RNF212B: variants seen among roughly 807,000 people sequenced by gnomAD.
RNF212B encodes E3 ubiquitin-protein ligase RNF212B.
RNF212B carries 52 observed loss-of-function variants against 55.5 expected under a neutral mutation model. The ratio of observed to expected loss-of-function variants is 0.94; its 90% CI spans 0.75 to 1.18. The LOEUF is 1.18. Among genes scored for constraint, RNF212B ranks in the 50% most tolerant of loss-of-function variants. The pLI, the probability that RNF212B is intolerant of heterozygous loss-of-function variation, is 0.00. For missense variants in RNF212B, 289 were observed against 350.4 expected (o/e 0.82, Z 1.40); for synonymous variants, 99 against 121.4 (o/e 0.82, Z 1.21).
At chr14:23,185,609 GATATGGTAAGCTT>G (rs138381712) in intron 1 of RNF212B, 106,310 of 152,022 alleles carry the variant, frequency 0.7, 39,636 homozygotes, top group Non-Finnish European at 0.82. Flanking sequence ...AACTGATAAC[GATATGGTAAGCTT>G]TAGCCCTCTC....
Position 23,257,345 on chromosome 14 carries a change from A to G in RNF212B, c.229-1204A>G, listed in dbSNP as rs146631696. On this transcript the variant is annotated intron_variant, in intron 4 of 14. Transcript: ENST00000430154. Reference sequence around the variant, plus strand: ...CTTAAAGTAAACATTTTCTTTTCACAGCTTAAAATAAACATTTTAGTTTTA... The same window carrying G: ...CTTAAAGTAAACATTTTCTTTTCACGGCTTAAAATAAACATTTTAGTTTTA... Among the ~76,000 whole-genome samples the G allele has an allele frequency of 3.3e-3, 505 of 151,254 alleles. 2 individuals carry two copies. The highest frequency in any genetic ancestry group is 0.012 in the African/African-American group (477 of 40,944).
rs1466920941 is a variant in RNF212B at position 23,232,773 on chromosome 14, T to C, written c.-1-7572T>C. Among the ~76,000 whole-genome samples, 896 of 119,690 alleles carry C rather than the reference T, an allele frequency of 7.5e-3. 14 individuals carry two copies. Among genetic ancestry groups the C allele is most frequent in the African/African-American group, 0.027 (835 of 31,048 alleles). The allele number at this position is 119,690 out of a possible 152,430, so 78.5% of individuals were successfully genotyped here. A position where few individuals can be genotyped will look rare whatever the true frequency, so the allele number is the denominator to read the frequency against. ...CCCCCACCCGGCCAGCCGCCCCGTC[T>C]GGGAGGGAGGTGGGGGGGGGGTCAG... On this transcript the variant is annotated intron_variant, in intron 2 of 15. Transcript: ENST00000399910.
chr14:23,270,077 A>C (rs1214088162), intron 13 of RNF212B, 117 bp downstream of exon 13: 2 of 662,382 alleles, frequency 3.0e-6, no homozygotes, highest in Non-Finnish European at 5.3e-6. Context: ...CATTGTCTCT[A>C]GTTGGCTCCT....
intron 2 of RNF212B, among the ~76,000 whole-genome samples, chr14:23,208,490 T>C (rs1447606575): frequency 2.0e-5 from 3 of 151,912 alleles, no homozygotes; most frequent in African/African-American, 7.2e-5. Context: ...TGAGATCCTA[T>C]CTCTAAAAAA....
At chr14:23,259,363 A>ATTTTTTTTTTTTTT (rs759972174) in intron 5 of RNF212B, 1 of 114,248 alleles carries the variant, frequency 8.8e-6, no homozygotes, top group Non-Finnish European at 1.9e-5. Flanking sequence ...TAATTTTTGT[A>ATTTTTTTTTTTTTT]TTTTTTTTTT....
intron 2 of RNF212B, among the ~76,000 whole-genome samples, chr14:23,232,306 G>T (rs993137115): frequency 7.3e-5 from 11 of 151,634 alleles, no homozygotes; most frequent in African/African-American, 2.7e-4. Context: ...CCCCATCTGG[G>T]AGGTGAGGAG....
intron 11 of RNF212B, among the ~76,000 whole-genome samples, chr14:23,267,386 G>C (rs888157828): frequency 6.6e-6 from 1 of 151,730 alleles, no homozygotes; most frequent in Non-Finnish European, 1.5e-5. Flanking sequence ...TTCTCTTCTT[G>C]ATAAATGGAC....
intron 3 of RNF212B, among the ~76,000 whole-genome samples, chr14:23,244,040 T>C (rs1037533190): frequency 4.6e-5 from 7 of 151,496 alleles, no homozygotes; most frequent in African/African-American, 1.7e-4. Context: ...ATCACACCAC[T>C]GCACTCCAGC....
At chr14:23,201,434 G>A (rs1667624791) in intron 2 of RNF212B, among the ~76,000 whole-genome samples, 1 of 152,106 alleles carries the variant, frequency 6.6e-6, no homozygotes, top group Non-Finnish European at 1.5e-5. Context: ...TATTGATAAT[G>A]TACACTAAGT....
At chr14:23,272,164 TC>T (rs1203548595) in intron 14 of RNF212B, among the ~76,000 whole-genome samples, 1 of 152,144 alleles carries the variant, frequency 6.6e-6, no homozygotes, top group Non-Finnish European at 1.5e-5. Context: ...ATGCCTGTAA[TC>T]CCAGCACTTT....
At chr14:23,195,966 C>T (rs1878621529) in intron 2 of RNF212B, among the ~76,000 whole-genome samples, 1 of 152,198 alleles carries the variant, frequency 6.6e-6, no homozygotes, top group African/African-American at 2.4e-5. Flanking sequence ...TTGCTCTTTT[C>T]ACTGTGCCAC....
chr14:23,190,864 G>A (rs755426143), intron 1 of RNF212B, among the ~76,000 whole-genome samples: 1 of 152,092 alleles, frequency 6.6e-6, no homozygotes, highest in Non-Finnish European at 1.5e-5. Flanking sequence ...CCTTTCACGT[G>A]GTCCTCCAGT....
At chr14:23,262,536 T>G in intron 7 of RNF212B, 129 bp from the exon 8 acceptor site, 14 of 779,732 alleles carry the variant, frequency 1.8e-5, no homozygotes, top group Admixed American at 2.9e-5. Context: ...CTATAATACA[T>G]GAGAGTAAGC....
chr14:23,220,348 A>G (rs553222136), intron 2 of RNF212B, among the ~76,000 whole-genome samples: 1 of 152,208 alleles, frequency 6.6e-6, no homozygotes, highest in East Asian at 1.9e-4. Flanking sequence ...CCTGGCTAAC[A>G]TGGCAAAACC....
chr14:23,227,930 T>A lies in RNF212B; in HGVS notation c.-1-12415T>A, dbSNP rs186754566. On this transcript the variant is annotated intron_variant, in intron 2 of 15. Transcript: ENST00000399910. ...AAGTTCTAAAAATATAAAAGTTTTT[T>A]AAAAATCTCATCAGGCAATGCCAGG... Among the ~76,000 whole-genome samples, 611 of 150,790 alleles carry A rather than the reference T, an allele frequency of 4.1e-3. 3 individuals carry two copies. The highest frequency in any genetic ancestry group is 8.8e-3 in the African/African-American group (364 of 41,224).
intron 2 of RNF212B, among the ~76,000 whole-genome samples, chr14:23,231,041 A>G (rs1882569684): frequency 6.6e-6 from 1 of 152,186 alleles, no homozygotes; most frequent in East Asian, 1.9e-4. Flanking sequence ...AGGTTTTGAA[A>G]TTGGGCAATA....
chr14:23,243,358 G>A, intron 3 of RNF212B, 50 bp downstream of exon 3: 1 of 1,420,242 alleles, frequency 7.0e-7, no homozygotes, highest in Non-Finnish European at 9.7e-7. Flanking sequence ...TTCCTGGCCT[G>A]TAGGAAGTAT....
At chr14:23,250,713 T>G (rs2084223739) in intron 4 of RNF212B, among the ~76,000 whole-genome samples, 1 of 152,078 alleles carries the variant, frequency 6.6e-6, no homozygotes, top group Non-Finnish European at 1.5e-5. Context: ...CCTCAGAAGG[T>G]TCAGACGACA....
rs145941417 is a variant in RNF212B, at chr14:23,230,126, C to T, written c.-1-10219C>T. The T allele has an allele frequency of 2.0e-4, 35 of 172,238 alleles. No individual in the cohort carries two copies. The East Asian group carries it at 2.4e-3, about 12-fold the overall frequency. 10.7% of individuals were successfully genotyped at this position (172,238 alleles called of 1,614,324 possible). A position where few individuals can be genotyped will look rare whatever the true frequency, so the allele number is the denominator to read the frequency against. ...TCTTGTGAGAAGACATGATGAGAAG[C>T]GGAGTCGAATACACACCACAATGGT... On this transcript the variant is annotated intron_variant, in intron 2 of 15. Transcript: ENST00000399910.
Sources: allele counts gnomAD v4.1 joint callset (sites outside exome capture counted in the v4.1 genomes callset), GRCh38; gene constraint gnomAD v4.1.1; transcripts MANE v1.5; gene names NCBI Gene and HGNC (gene_info 2026-07-23, HGNC 2026-07-21).